CACNA1C: variants seen among roughly 807,000 people sequenced by gnomAD.
The protein encoded by CACNA1C is calcium voltage-gated channel subunit alpha1 C, also known as voltage-dependent L-type calcium channel subunit alpha-1C.
CACNA1C carries 30 observed loss-of-function variants against 229.0 expected under a neutral mutation model. The observed-to-expected ratio is 0.13, with a 90% confidence interval of 0.10 to 0.18. The LOEUF is 0.18. CACNA1C is among the 10% of genes least tolerant of loss of function. CACNA1C has a pLI of 1.00. For synonymous variants in CACNA1C, 1,114 were observed against 1,132.5 expected (o/e 0.98, Z 0.33); for missense variants, 1,658 against 2,845.0 (o/e 0.58, Z 9.49).
intron 11 of CACNA1C, among the ~76,000 whole-genome samples, chr12:2,561,524 C>T (rs2154592918): frequency 6.6e-6 from 1 of 152,300 alleles, no homozygotes; most frequent in East Asian, 1.9e-4. Flanking sequence ...TGAAGAGTGC[C>T]AAGGCTGAGA....
intron 3 of CACNA1C, among the ~76,000 whole-genome samples, chr12:2,317,344 T>C (rs1212685450): frequency 1.3e-5 from 2 of 152,230 alleles, no homozygotes; most frequent in African/African-American, 4.8e-5. Context: ...TGATCCATGC[T>C]GCAACATGGA....
chr12:2,046,953 T>A (rs1360708533), intron 1 of CACNA1C, among the ~76,000 whole-genome samples: 1 of 152,126 alleles, frequency 6.6e-6, no homozygotes, highest in Non-Finnish European at 1.5e-5. Context: ...TTATTATGGG[T>A]CTTCCAAAAG....
intron 1 of CACNA1C, among the ~76,000 whole-genome samples, chr12:2,056,572 C>T (rs756254085): frequency 6.6e-6 from 1 of 152,114 alleles, no homozygotes; most frequent in Non-Finnish European, 1.5e-5. Context: ...AACTACTTAG[C>T]GATTCAGCAG....
chr12:2,694,990 A>G lies in CACNA1C; in HGVS notation c.*3791A>G, dbSNP rs1282235025. 2.0e-5 allele frequency: 3 copies of G among 152,254 alleles called. No homozygotes were observed. The highest frequency in any genetic ancestry group is 3.8e-4 in the East Asian group (2 of 5,198). The allele number at this position is 152,254 out of a possible 1,614,324, so 9.4% of individuals were successfully genotyped here. On this transcript the variant is annotated 3_prime_UTR_variant, in exon 47 of 47. Coordinates refer to ENST00000399655, the MANE Select transcript of CACNA1C (RefSeq NM_000719.7). ...ATGGCATCTCCATCCCTAGAGGCCA[A>G]GAATTGAAATATCATTGTCAAGGAT...
At chr12:2,248,564 A>ATGGC (rs1272792486) in intron 3 of CACNA1C, among the ~76,000 whole-genome samples, 13 of 152,198 alleles carry the variant, frequency 8.5e-5, no homozygotes, top group Non-Finnish European at 1.5e-4. Context: ...TGGAGAGGCG[A>ATGGC]TGGCTGCAAC....
At position 2,575,858 on chromosome 12, in the gene CACNA1C, A is replaced by G. The variant is rs918022754; in HGVS notation, c.1896-5732A>G. 3.3e-5 allele frequency among the ~76,000 whole-genome samples: 5 copies of G among 152,204 alleles called. No homozygotes were observed. Among genetic ancestry groups the G allele is most frequent in the Admixed American group, 3.3e-4 (5 of 15,278 alleles). ...CTGGCCCTGAGCTCTTTGAAGCAAAAGGTTCATGAGATGAAAGTTCCAGTT... is the reference window on the plus strand; with the variant it reads ...CTGGCCCTGAGCTCTTTGAAGCAAAGGGTTCATGAGATGAAAGTTCCAGTT... On this transcript the variant is annotated intron_variant, in intron 13 of 46. Coordinates refer to ENST00000399655, the MANE Select transcript of CACNA1C (RefSeq NM_000719.7). The surrounding 1 kb of genome is among the most constrained non-coding windows in gnomAD (Gnocchi z 4.0).
intron 3 of CACNA1C, among the ~76,000 whole-genome samples, chr12:2,191,657 C>T (rs1019085102): frequency 5.9e-5 from 9 of 151,600 alleles, no homozygotes; most frequent in East Asian, 1.9e-4. Context: ...GGCACACACA[C>T]GCACATGTAC....
At position 2,677,786 on chromosome 12, in the gene CACNA1C, T is replaced by C; in HGVS notation, c.5010T>C (p.Ser1670=). The change falls in exon 41 of 47, where the codon TCT becomes TCC. Residue 1670 remains serine, a synonymous_variant. Transcript: ENST00000399655. The surrounding 1 kb of genome is among the most constrained non-coding windows in gnomAD (Gnocchi z 7.4). The part of the protein sequence containing the change: ...DIGPEIRRAI[S]GDLTAEEELD... Reference sequence around the variant, plus strand: ...GGCCTGAGATCCGACGGGCCATCTCTGGAGATCTCACCGCTGAGGAGGAGC... The same window carrying C: ...GGCCTGAGATCCGACGGGCCATCTCCGGAGATCTCACCGCTGAGGAGGAGC... 1 of 1,613,908 alleles carries C rather than the reference T, an allele frequency of 6.2e-7. No homozygotes were observed. Among genetic ancestry groups the C allele is most frequent in the South Asian group, 1.1e-5 (1 of 91,076 alleles).
chr12:2,010,645 T>G (rs2044242557), intron 1 of CACNA1C, among the ~76,000 whole-genome samples: 1 of 152,178 alleles, frequency 6.6e-6, no homozygotes, highest in Non-Finnish European at 1.5e-5. Context: ...GAAAGCTCAG[T>G]GGGTCTAGAG....
intron 3 of CACNA1C, among the ~76,000 whole-genome samples, chr12:2,358,682 C>T (rs188880228): frequency 2.4e-4 from 37 of 152,282 alleles, no homozygotes; most frequent in Admixed American, 5.9e-4. Flanking sequence ...CCAGGTTAAC[C>T]GCAAGCGGTG....
At chr12:2,570,894 C>T (rs1029639742) in intron 13 of CACNA1C, among the ~76,000 whole-genome samples, 1 of 152,186 alleles carries the variant, frequency 6.6e-6, no homozygotes, top group African/African-American at 2.4e-5. Flanking sequence ...AGCCTTCTTT[C>T]CCTCTCTGAC....
intron 3 of CACNA1C, among the ~76,000 whole-genome samples, chr12:2,171,869 T>C (rs534815376): frequency 3.9e-4 from 59 of 152,040 alleles, no homozygotes; most frequent in Non-Finnish European, 7.6e-4. Context: ...GACCCTGTGA[T>C]AAAGAGCCAC....
At position 2,602,219 on chromosome 12, in the gene CACNA1C, A is replaced by G. The variant is rs369128199; in HGVS notation, c.2960+259A>G. On this transcript the variant is annotated intron_variant, in intron 22 of 46. Coordinates refer to ENST00000399655, the MANE Select transcript of CACNA1C (RefSeq NM_000719.7). This position sits in a 1 kb window ranked among gnomAD's most constrained non-coding sequence, Gnocchi z 4.4. ...ATGACAGGCAGGGCCAGGCTCAGCTATTAAGAAACGGTTGTCTCCAGGACC... is the reference window on the plus strand; with the variant it reads ...ATGACAGGCAGGGCCAGGCTCAGCTGTTAAGAAACGGTTGTCTCCAGGACC... Among the ~76,000 whole-genome samples, 2 of 152,172 alleles carry G rather than the reference A, an allele frequency of 1.3e-5. No individual in the cohort carries two copies. Among genetic ancestry groups the G allele is most frequent in the African/African-American group, 2.4e-5 (1 of 41,448 alleles).
chr12:2,155,744 T>C (rs2095521273), intron 3 of CACNA1C, among the ~76,000 whole-genome samples: 1 of 152,120 alleles, frequency 6.6e-6, no homozygotes, highest in Admixed American at 6.6e-5. Context: ...CTTAGACTAG[T>C]TTAGAGCCAC....
intron 1 of CACNA1C, among the ~76,000 whole-genome samples, chr12:2,081,457 G>T (rs970648586): frequency 2.8e-4 from 42 of 152,174 alleles, no homozygotes; most frequent in African/African-American, 9.4e-4. Context: ...TGTAGTCCCC[G>T]CTACTCGGGA....
At chr12:2,574,576 G>T (rs1386309580) in intron 13 of CACNA1C, among the ~76,000 whole-genome samples, 1 of 152,200 alleles carries the variant, frequency 6.6e-6, no homozygotes, top group Non-Finnish European at 1.5e-5. Context: ...AGACAGATTG[G>T]CTCATAAATC....
intron 13 of CACNA1C, among the ~76,000 whole-genome samples, chr12:2,571,013 T>C (rs1227372344): frequency 6.6e-6 from 1 of 152,242 alleles, no homozygotes; most frequent in African/African-American, 2.4e-5. Context: ...ATGATTACCA[T>C]GCACCAGTGC....
chr12:1,984,089 T>C (rs908472806), intron 1 of CACNA1C, among the ~76,000 whole-genome samples: 4 of 152,080 alleles, frequency 2.6e-5, no homozygotes, highest in African/African-American at 9.7e-5. Flanking sequence ...ATATCTTTCT[T>C]CATCCTTTTA....
chr12:2,489,439 A>G (rs1295374016), intron 6 of CACNA1C, among the ~76,000 whole-genome samples: 3 of 152,188 alleles, frequency 2.0e-5, no homozygotes, highest in African/African-American at 7.2e-5. Context: ...GCGTTTCCCT[A>G]ATCCCGGAGG....
Sources: gnomAD v4.1 joint callset for allele counts (sites outside exome capture counted in the v4.1 genomes callset) on GRCh38, gnomAD v4.1.1 for gene constraint, Gnocchi (gnomAD v3.1) non-coding constraint, MANE v1.5 for transcripts, NCBI Gene and HGNC (gene_info 2026-07-23, HGNC 2026-07-21) for gene names.